FLT1: variants seen among roughly 807,000 people sequenced by gnomAD.
FLT1 encodes the protein fms related receptor tyrosine kinase 1.
FLT1 carries 49 observed loss-of-function variants against 156.3 expected under a neutral mutation model. The ratio of observed to expected loss-of-function variants is 0.31; its 90% CI spans 0.25 to 0.40. The LOEUF is 0.40. FLT1 is among the 10% of genes least tolerant of loss of function. The pLI, the probability that FLT1 is intolerant of heterozygous loss-of-function variation, is 1.00. For missense variants in FLT1, 1,322 were observed against 1,637.2 expected (o/e 0.81, Z 3.32); for synonymous variants, 594 against 583.8 (o/e 1.02, Z -0.25).
At chr13:28,419,703 C>T (rs1274447014) in intron 10 of FLT1, among the ~76,000 whole-genome samples, 2 of 152,182 alleles carry the variant, frequency 1.3e-5, no homozygotes, top group African/African-American at 4.8e-5. Context: ...CATGGCGAAA[C>T]CGCGTCTCTA....
At chr13:28,484,934 T>G (rs186643406) in intron 1 of FLT1, among the ~76,000 whole-genome samples, 1,539 of 75,038 alleles carry the variant, frequency 0.021, 27 homozygotes, top group African/African-American at 0.076. Context: ...CCTGTTGTGG[T>G]GTGGGGGGAG....
intron 14 of FLT1, among the ~76,000 whole-genome samples, chr13:28,381,338 C>G (rs1403282025): frequency 6.6e-6 from 1 of 152,106 alleles, no homozygotes; most frequent in Admixed American, 6.5e-5. Context: ...GGGTGGATCA[C>G]TTGAGGTCAG....
chr13:28,441,388 T>C (rs1472140314), intron 3 of FLT1, among the ~76,000 whole-genome samples: 1 of 152,160 alleles, frequency 6.6e-6, no homozygotes, highest in Non-Finnish European at 1.5e-5. Context: ...ATTCCTGCTC[T>C]AAAACTGTTT....
At position 28,334,148 on chromosome 13, in the gene FLT1, A is replaced by G. The variant is rs768119076; in HGVS notation, c.2489-19T>C. 1.0e-5 allele frequency: 16 copies of G among 1,552,318 alleles called. No individual in the cohort carries two copies. The East Asian group carries it at 3.4e-4, about 33-fold the overall frequency. On this transcript the variant is annotated intron_variant, in intron 17 of 29. Coordinates refer to ENST00000282397, the MANE Select transcript of FLT1 (RefSeq NM_002019.4). ...GATTTGCCTGTAATGAAGAGAAGAC[A>G]CTGGTTTGTTTGCCGAGGCAATAGG...
At chr13:28,337,822 C>G (rs1872179866) in intron 17 of FLT1, among the ~76,000 whole-genome samples, 1 of 152,190 alleles carries the variant, frequency 6.6e-6, no homozygotes, top group Admixed American at 6.5e-5. Flanking sequence ...GTGTCCTATA[C>G]TGGAAGAAGC....
At chr13:28,349,727 C>A (rs1043303917) in intron 15 of FLT1, among the ~76,000 whole-genome samples, 1 of 152,116 alleles carries the variant, frequency 6.6e-6, no homozygotes. Flanking sequence ...AAGTCTAATT[C>A]CACAGTCCTT....
In FLT1 at chr13:28,439,418, C is replaced by T. The variant is rs188805869; in HGVS notation, c.389-1073G>A. 6.6e-6 allele frequency among the ~76,000 whole-genome samples: 1 copy of T among 152,204 alleles called. No individual in the cohort carries two copies. The highest frequency in any genetic ancestry group is 6.5e-5 in the Admixed American group (1 of 15,288). On this transcript the variant is annotated intron_variant, in intron 3 of 29. Coordinates refer to ENST00000282397, the MANE Select transcript of FLT1 (RefSeq NM_002019.4). This position sits in a 1 kb window ranked among gnomAD's most constrained non-coding sequence, Gnocchi z 4.1. ...TGGATTACGAAGCTAATTCAGGATGCTGAATGGAGAAGGAATTGGAGAGAA... is the reference window on the plus strand; with the variant it reads ...TGGATTACGAAGCTAATTCAGGATGTTGAATGGAGAAGGAATTGGAGAGAA...
chr13:28,434,284 C>G, intron 4 of FLT1, 64 bp from the exon 5 acceptor site: 5 of 1,450,766 alleles, frequency 3.4e-6, no homozygotes, highest in Non-Finnish European at 4.8e-6. Flanking sequence ...ACTGTTTCAC[C>G]AGCAGTTTGT....
At chr13:28,480,744 T>C (rs1880787813) in intron 1 of FLT1, among the ~76,000 whole-genome samples, 1 of 152,222 alleles carries the variant, frequency 6.6e-6, no homozygotes, top group Admixed American at 6.5e-5. Flanking sequence ...AGCTCTATCA[T>C]CTTCTTTCAA....
At chr13:28,363,235 A>C (rs1873174074) in intron 14 of FLT1, among the ~76,000 whole-genome samples, 1 of 152,132 alleles carries the variant, frequency 6.6e-6, no homozygotes, top group South Asian at 2.1e-4. Flanking sequence ...AATTTTTTTG[A>C]CTGTGAGCAC....
intron 12 of FLT1, among the ~76,000 whole-genome samples, chr13:28,393,243 G>T (rs147594673): frequency 2.7e-4 from 41 of 152,250 alleles, no homozygotes; most frequent in African/African-American, 9.9e-4. Context: ...AGACGAAAGT[G>T]TCATCTATTT....
At chr13:28,370,287 C>T (rs1281287293) in intron 14 of FLT1, among the ~76,000 whole-genome samples, 2 of 152,110 alleles carry the variant, frequency 1.3e-5, no homozygotes, top group South Asian at 2.1e-4. Flanking sequence ...ATGTCTATTC[C>T]TTCACTACTT....
At chr13:28,420,168 AGCAT>A (rs1876918045) in intron 10 of FLT1, among the ~76,000 whole-genome samples, 1 of 152,246 alleles carries the variant, frequency 6.6e-6, no homozygotes, top group African/African-American at 2.4e-5. Flanking sequence ...CACATTAAGC[AGCAT>A]GCACTTCCTC....
intron 10 of FLT1, among the ~76,000 whole-genome samples, chr13:28,413,333 T>A (rs771591435): frequency 2.0e-5 from 3 of 152,086 alleles, no homozygotes; most frequent in Non-Finnish European, 4.4e-5. Context: ...CTCCTTCTGC[T>A]GGCTTCTAGA....
chr13:28,354,513 T>G (rs1469531089), intron 15 of FLT1, among the ~76,000 whole-genome samples: 1 of 152,184 alleles, frequency 6.6e-6, no homozygotes, highest in African/African-American at 2.4e-5. Context: ...TGTTGTCTCT[T>G]TTTTGGACTA....
intron 3 of FLT1, among the ~76,000 whole-genome samples, chr13:28,457,533 A>C (rs1879333287): frequency 6.6e-6 from 1 of 152,218 alleles, no homozygotes; most frequent in African/African-American, 2.4e-5. Flanking sequence ...TAGCCAACAT[A>C]ATTCAGCAAA....
At chr13:28,310,414 G>A (rs960168516) in intron 27 of FLT1, among the ~76,000 whole-genome samples, 48 of 73,026 alleles carry the variant, frequency 6.6e-4, no homozygotes, top group South Asian at 4.4e-3. Context: ...ACACAGTTTC[G>A]GCAAGCCTTC....
At chr13:28,484,171 C>T (rs975400970) in intron 1 of FLT1, among the ~76,000 whole-genome samples, 11 of 152,226 alleles carry the variant, frequency 7.2e-5, no homozygotes, top group South Asian at 4.1e-4. Flanking sequence ...CTCCCCTATC[C>T]AATTCATGTA....
At chr13:28,364,879 C>T (rs1171165348) in intron 14 of FLT1, among the ~76,000 whole-genome samples, 1 of 152,112 alleles carries the variant, frequency 6.6e-6, no homozygotes, top group Admixed American at 6.6e-5. Context: ...TCTGGTATGG[C>T]CTCACCAGAT....
Sources: allele counts gnomAD v4.1 joint callset (sites outside exome capture counted in the v4.1 genomes callset), GRCh38; gene constraint gnomAD v4.1.1; non-coding constraint Gnocchi (gnomAD v3.1); transcripts MANE v1.5; gene names NCBI Gene and HGNC (gene_info 2026-07-23, HGNC 2026-07-21).